Variants in HES2 observed in about 807,000 individuals in gnomAD.
HES2 encodes transcription factor HES-2.
Under a neutral mutation model 11.9 loss-of-function variants are expected in HES2, and 11 were observed. The observed-to-expected ratio is 0.92, with a 90% CI of 0.58 to 1.53. The LOEUF (loss-of-function observed/expected upper bound fraction) is 1.53, where lower values mean the gene tolerates loss of function less well. Among genes scored for constraint, HES2 ranks in the 40% most tolerant of loss-of-function variants. HES2 has a pLI of 0.00. For synonymous variants in HES2, 125 were observed against 122.8 expected, an observed-to-expected ratio of 1.02 and a Z score of -0.12; for missense variants, 260 against 253.8, an observed-to-expected ratio of 1.02 and a Z score of -0.16.
rs1642888010 is a variant in HES2 at position 6,419,574 on chromosome 1, A to G, written c.141+33T>C. On this transcript the variant is annotated intron_variant, in intron 2 of 3. Coordinates refer to ENST00000377834, the MANE Select transcript of HES2 (RefSeq NM_019089.5). The surrounding 1 kb of genome is among the most constrained non-coding windows in gnomAD (Gnocchi z 8.1). ...TCCCCCTGCCCCCGCTCCGCGCCCC[A>G]GGACCCTCTGCCCTCCGCCCGGGCG... 4.1e-6 allele frequency: 6 copies of G among 1,471,134 alleles called. No individual in the cohort carries two copies. In the East Asian group the frequency reaches 1.6e-4, roughly 38 times the overall value. 91.1% of individuals were successfully genotyped at this position (1,471,134 alleles called of 1,614,324 possible). A position where few individuals can be genotyped will look rare whatever the true frequency, so the allele number is the denominator to read the frequency against.
chr1:6,419,502 G>T lies in HES2; in HGVS notation c.141+105C>A, dbSNP rs1453133960. ...CCACCCCACCCAGGCTCCGCCTCGGGCGCCGCGCGGAACCCCCTGGTGGGT... is the reference window on the plus strand; with the variant it reads ...CCACCCCACCCAGGCTCCGCCTCGGTCGCCGCGCGGAACCCCCTGGTGGGT... On this transcript the variant is annotated intron_variant, in intron 2 of 3. Coordinates refer to ENST00000377834, the MANE Select transcript of HES2 (RefSeq NM_019089.5). This position sits in a 1 kb window ranked among gnomAD's most constrained non-coding sequence, Gnocchi z 8.1. The T allele has an allele frequency of 2.4e-6, 3 of 1,226,446 alleles. No homozygotes were observed. In the African/African-American group the frequency reaches 4.7e-5, roughly 19 times the overall value. 76.0% of individuals were successfully genotyped at this position (1,226,446 alleles called of 1,614,324 possible). A position where few individuals can be genotyped will look rare whatever the true frequency, so the allele number is the denominator to read the frequency against.
Position 6,417,276 on chromosome 1 carries a change from A to G in HES2, c.*1597T>C, listed in dbSNP as rs1642862079. The G allele has an allele frequency of 6.6e-6, 1 of 152,264 alleles. No individual in the cohort carries two copies. Among genetic ancestry groups the G allele is most frequent in the Non-Finnish European group, 1.5e-5 (1 of 68,062 alleles). The allele number at this position is 152,264 out of a possible 1,614,324, so 9.4% of individuals were successfully genotyped here. A position where few individuals can be genotyped will look rare whatever the true frequency, so the allele number is the denominator to read the frequency against. On this transcript the variant is annotated 3_prime_UTR_variant, in exon 4 of 4. Transcript: ENST00000377834. The stretch of plus-strand genomic sequence containing the variant: ...CACCCAAACCAGTGCCAAGGTCATC[A>G]TGGGCTTGTGTGGCACAGTCAGATT...
At position 6,417,939 on chromosome 1, in the gene HES2, G is replaced by C. The variant is rs112471253; in HGVS notation, c.*934C>G. The C allele has an allele frequency of 1.3e-5, 2 of 152,266 alleles. No individual in the cohort carries two copies. The highest frequency in any genetic ancestry group is 4.1e-4 in the South Asian group (2 of 4,832). The allele number at this position is 152,266 out of a possible 1,614,324, so 9.4% of individuals were successfully genotyped here. ...GTAACCAGTCTCAATGAGTAGCAGGGAGTAGTTTGCAAGAAAAAAAAACAA... is the reference window on the plus strand; with the variant it reads ...GTAACCAGTCTCAATGAGTAGCAGGCAGTAGTTTGCAAGAAAAAAAAACAA... On this transcript the variant is annotated 3_prime_UTR_variant, in exon 4 of 4. Coordinates refer to ENST00000377834, the MANE Select transcript of HES2 (RefSeq NM_019089.5).
chr1:6,419,015 G>A lies in HES2; in HGVS notation c.380C>T (p.Thr127Ile), dbSNP rs1277905199. 1.4e-6 allele frequency: 2 copies of A among 1,417,296 alleles called. No individual in the cohort carries two copies. Among genetic ancestry groups the A allele is most frequent in the Non-Finnish European group, 9.1e-7 (1 of 1,096,500 alleles). 87.8% of individuals were successfully genotyped at this position (1,417,296 alleles called of 1,614,324 possible). A position where few individuals can be genotyped will look rare whatever the true frequency, so the allele number is the denominator to read the frequency against. ...ATCCCCAGCGCGCCCGCCGTCCAGG[G>A]TGGCGCTGGCCGCTCTCCGCCACAG... The part of the protein sequence containing the change: ...EHLWRRAASA[T>I]LDGGRAGDSS... Residue 127 changes from threonine (T) to isoleucine (I), a missense_variant, in exon 4 of 4, where the codon ACC becomes ATC. Transcript: ENST00000377834. This position sits in a 1 kb window ranked among gnomAD's most constrained non-coding sequence, Gnocchi z 8.1.
In HES2 at chr1:6,415,499, G is replaced by A. The variant is rs563202345; in HGVS notation, c.*3374C>T. The A allele has an allele frequency of 1.3e-5, 2 of 151,906 alleles. No individual in the cohort carries two copies. Among genetic ancestry groups the A allele is most frequent in the East Asian group, 1.9e-4 (1 of 5,168 alleles). The allele number at this position is 151,906 out of a possible 1,614,324, so 9.4% of individuals were successfully genotyped here. ...GCGCCCATCCGAGATGAACCCACAG[G>A]ACACTCAGGATCCCAGACTGCAGGA... On this transcript the variant is annotated 3_prime_UTR_variant, in exon 4 of 4. Transcript: ENST00000377834.
At position 6,416,252 on chromosome 1, in the gene HES2, T is replaced by TCTGCACAGGAAAAGCCCA. The variant is rs1553164751; in HGVS notation, c.*2603_*2620dup. ...AAATGACCCTTTGAATCAGTCTCCC[T>TCTGCACAGGAAAAGCCCA]CTGCACAGGAAAAGCCCACCGCCCT... On this transcript the variant is annotated 3_prime_UTR_variant, in exon 4 of 4. Transcript: ENST00000377834. 1.3e-5 allele frequency: 2 copies of TCTGCACAGGAAAAGCCCA among 152,278 alleles called. No individual in the cohort carries two copies. The highest frequency in any genetic ancestry group is 4.8e-5 in the African/African-American group (2 of 41,456). 9.4% of individuals were successfully genotyped at this position (152,278 alleles called of 1,614,324 possible). A position where few individuals can be genotyped will look rare whatever the true frequency, so the allele number is the denominator to read the frequency against.
chr1:6,419,857 G>T lies in HES2; in HGVS notation c.-37C>A. On this transcript the variant is annotated 5_prime_UTR_variant, in exon 1 of 4. Transcript: ENST00000377834. This position sits in a 1 kb window ranked among gnomAD's most constrained non-coding sequence, Gnocchi z 8.1. The stretch of plus-strand genomic sequence containing the variant: ...AAGCGGTGGCAGCTGCGAGCCCCAC[G>T]CAAAGGGAAACCGAGGTCCGAAATG... 6.5e-7 allele frequency: 1 copy of T among 1,527,200 alleles called. No individual in the cohort carries two copies. The allele number at this position is 1,527,200 out of a possible 1,614,324, so 94.6% of individuals were successfully genotyped here. A position where few individuals can be genotyped will look rare whatever the true frequency, so the allele number is the denominator to read the frequency against.
chr1:6,419,399 T>A lies in HES2; in HGVS notation c.142-59A>T. On this transcript the variant is annotated intron_variant, in intron 2 of 3. Transcript: ENST00000377834. This position sits in a 1 kb window ranked among gnomAD's most constrained non-coding sequence, Gnocchi z 8.1. ...CCACCAAGACAGAACTTTGGCCGGCTACCGTGCGCACCCTCGCTCTAGTCG... is the reference window on the plus strand; with the variant it reads ...CCACCAAGACAGAACTTTGGCCGGCAACCGTGCGCACCCTCGCTCTAGTCG... 7.0e-7 allele frequency: 1 copy of A among 1,423,636 alleles called. No homozygotes were observed. The highest frequency in any genetic ancestry group is 9.7e-7 in the Non-Finnish European group (1 of 1,035,284). 88.2% of individuals were successfully genotyped at this position (1,423,636 alleles called of 1,614,324 possible).
Position 6,416,527 on chromosome 1 carries a change from G to A in HES2, c.*2346C>T, listed in dbSNP as rs1040157226. The A allele has an allele frequency of 6.6e-6, 1 of 152,186 alleles. No individual in the cohort carries two copies. The highest frequency in any genetic ancestry group is 1.5e-5 in the Non-Finnish European group (1 of 68,052). 9.4% of individuals were successfully genotyped at this position (152,186 alleles called of 1,614,324 possible). ...CAGGGCCCACTGACCTCCTGACTCA[G>A]GCTCCCCCGAGTGCCTGACCCTGTG... On this transcript the variant is annotated 3_prime_UTR_variant, in exon 4 of 4. Coordinates refer to ENST00000377834, the MANE Select transcript of HES2 (RefSeq NM_019089.5).
chr1:6,415,734 T>A lies in HES2; in HGVS notation c.*3139A>T, dbSNP rs959500748. On this transcript the variant is annotated 3_prime_UTR_variant, in exon 4 of 4. Transcript: ENST00000377834. ...CACAGATGGGTTCCCAGCAGCTTAG[T>A]GCTCTGGCTGTCCTTAGGTCACTGA... 6 of 152,268 alleles carry A rather than the reference T, an allele frequency of 3.9e-5. No homozygotes were observed. Among genetic ancestry groups the A allele is most frequent in the African/African-American group, 1.4e-4 (6 of 41,450 alleles). The allele number at this position is 152,268 out of a possible 1,614,324, so 9.4% of individuals were successfully genotyped here.
rs553906317 is a variant in HES2, at chr1:6,417,174, G to A, written c.*1699C>T. 14 of 152,386 alleles carry A rather than the reference G, an allele frequency of 9.2e-5. No individual in the cohort carries two copies. Among genetic ancestry groups the A allele is most frequent in the South Asian group, 4.1e-4 (2 of 4,826 alleles). The allele number at this position is 152,386 out of a possible 1,614,324, so 9.4% of individuals were successfully genotyped here. A position where few individuals can be genotyped will look rare whatever the true frequency, so the allele number is the denominator to read the frequency against. ...GCACAGGGAGGTGGGAAGATGGCAC[G>A]GCCTTGCTGGGAGCCTCACCCTGTT... is the stretch of plus-strand genomic sequence containing the variant. On this transcript the variant is annotated 3_prime_UTR_variant, in exon 4 of 4. Coordinates refer to ENST00000377834, the MANE Select transcript of HES2 (RefSeq NM_019089.5).
Position 6,419,303 on chromosome 1 carries a change from A to G in HES2, c.179T>C (p.Leu60Pro), listed in dbSNP as rs372112581. The change falls in exon 3 of 4, where the codon CTG becomes CCG. Residue 60 changes from leucine (L) to proline (P), a missense_variant. Physicochemically the swap from Leu to Pro is moderately conservative, Grantham distance 98. Transcript: ENST00000377834. This position sits in a 1 kb window ranked among gnomAD's most constrained non-coding sequence, Gnocchi z 8.1. ...NCSKLEKADV[L>P]EMTVRFLQEL... ...CTGCAGGAAGCGCACGGTCATTTCC[A>G]GGACGTCTGCCTTCTCTAGCTTCGA... The G allele has an allele frequency of 5.6e-6, 9 of 1,610,974 alleles. No individual in the cohort carries two copies. Among genetic ancestry groups the G allele is most frequent in the Non-Finnish European group, 7.6e-6 (9 of 1,179,202 alleles).
At position 6,415,528 on chromosome 1, in the gene HES2, G is replaced by GAT. The variant is rs1642837092; in HGVS notation, c.*3344_*3345insAT. On this transcript the variant is annotated 3_prime_UTR_variant, in exon 4 of 4. Coordinates refer to ENST00000377834, the MANE Select transcript of HES2 (RefSeq NM_019089.5). ...CTCAGGATCCCAGACTGCAGGAGTCGTCTGGGATCACAGGCGGGGCAGAGC... is the reference window on the plus strand; with the variant it reads ...CTCAGGATCCCAGACTGCAGGAGTCGATTCTGGGATCACAGGCGGGGCAGAGC... The GAT allele has an allele frequency of 4.6e-5, 7 of 151,614 alleles. No individual in the cohort carries two copies. Among genetic ancestry groups the GAT allele is most frequent in the African/African-American group, 1.2e-4 (5 of 41,316 alleles). 9.4% of individuals were successfully genotyped at this position (151,614 alleles called of 1,614,324 possible).
chr1:6,417,285 T>C lies in HES2; in HGVS notation c.*1588A>G, dbSNP rs1396169867. On this transcript the variant is annotated 3_prime_UTR_variant, in exon 4 of 4. Transcript: ENST00000377834. ...CAGTGCCAAGGTCATCATGGGCTTG[T>C]GTGGCACAGTCAGATTTAGTGACCA... 2 of 152,418 alleles carry C rather than the reference T, an allele frequency of 1.3e-5. No homozygotes were observed. Among genetic ancestry groups the C allele is most frequent in the African/African-American group, 4.8e-5 (2 of 41,588 alleles). The allele number at this position is 152,418 out of a possible 1,614,324, so 9.4% of individuals were successfully genotyped here. A position where few individuals can be genotyped will look rare whatever the true frequency, so the allele number is the denominator to read the frequency against.
At position 6,418,600 on chromosome 1, in the gene HES2, T is replaced by TGG; in HGVS notation, c.*271_*272dup. 1 of 369,478 alleles carries TGG rather than the reference T, an allele frequency of 2.7e-6. No homozygotes were observed. 22.9% of individuals were successfully genotyped at this position (369,478 alleles called of 1,614,324 possible). ...CCAGAACTATCTCCACCAGCTGGGA[T>TGG]GGGGGGCTTCTTCTTCACCCTGCTG... On this transcript the variant is annotated 3_prime_UTR_variant, in exon 4 of 4. Transcript: ENST00000377834.
chr1:6,415,408 C>T lies in HES2; in HGVS notation c.*3465G>A, dbSNP rs1440550539. The T allele has an allele frequency of 6.6e-6, 1 of 151,932 alleles. No individual in the cohort carries two copies. Among genetic ancestry groups the T allele is most frequent in the Non-Finnish European group, 1.5e-5 (1 of 68,016 alleles). The allele number at this position is 151,932 out of a possible 1,614,324, so 9.4% of individuals were successfully genotyped here. A position where few individuals can be genotyped will look rare whatever the true frequency, so the allele number is the denominator to read the frequency against. On this transcript the variant is annotated 3_prime_UTR_variant, in exon 4 of 4. Transcript: ENST00000377834. ...TTCGCAATTCTTGCAATATTTCAAA[C>T]TTCTTCCTTATTATATCTGTTGTGA...
rs1369073005 is a variant in HES2, at chr1:6,417,970, G to T, written c.*903C>A. ...TTTGCAAGAAAAAAAAACAAGTGAAGATGTTTCCCATTCTTTAACCTGCTC... is the reference window on the plus strand; with the variant it reads ...TTTGCAAGAAAAAAAAACAAGTGAATATGTTTCCCATTCTTTAACCTGCTC... On this transcript the variant is annotated 3_prime_UTR_variant, in exon 4 of 4. Transcript: ENST00000377834. 2 of 152,230 alleles carry T rather than the reference G, an allele frequency of 1.3e-5. No individual in the cohort carries two copies. Among genetic ancestry groups the T allele is most frequent in the Admixed American group, 6.5e-5 (1 of 15,280 alleles). 9.4% of individuals were successfully genotyped at this position (152,230 alleles called of 1,614,324 possible).
At position 6,419,213 on chromosome 1, in the gene HES2, C is replaced by T; in HGVS notation, c.241+28G>A. 1.9e-6 allele frequency: 3 copies of T among 1,598,848 alleles called. No individual in the cohort carries two copies. Among genetic ancestry groups the T allele is most frequent in the African/African-American group, 1.3e-5 (1 of 74,176 alleles). ...GGTGCCGGGTGCGGGGTGCAGAGCGCGCGGCAGGGCAGGGAGGGCTCACTC... is the reference window on the plus strand; with the variant it reads ...GGTGCCGGGTGCGGGGTGCAGAGCGTGCGGCAGGGCAGGGAGGGCTCACTC... On this transcript the variant is annotated intron_variant, in intron 3 of 3. Coordinates refer to ENST00000377834, the MANE Select transcript of HES2 (RefSeq NM_019089.5). This position sits in a 1 kb window ranked among gnomAD's most constrained non-coding sequence, Gnocchi z 8.1.
At position 6,418,257 on chromosome 1, in the gene HES2, T is replaced by C. The variant is rs1376704043; in HGVS notation, c.*616A>G. ...CAGCCCCACCGCACAGACCCCTGGA[T>C]GTATACTGCCCCTATAATTCTGCTC... On this transcript the variant is annotated 3_prime_UTR_variant, in exon 4 of 4. Coordinates refer to ENST00000377834, the MANE Select transcript of HES2 (RefSeq NM_019089.5). The C allele has an allele frequency of 6.6e-6, 1 of 152,134 alleles. No homozygotes were observed. Among genetic ancestry groups the C allele is most frequent in the African/African-American group, 2.4e-5 (1 of 41,396 alleles). The allele number at this position is 152,134 out of a possible 1,614,324, so 9.4% of individuals were successfully genotyped here.
Sources: gnomAD v4.1 joint callset for allele counts on GRCh38, gnomAD v4.1.1 for gene constraint, Gnocchi (gnomAD v3.1) non-coding constraint, MANE v1.5 for transcripts, NCBI Gene and HGNC (gene_info 2026-07-23, HGNC 2026-07-21) for gene names.